Variants in FANCC observed in about 807,000 individuals in gnomAD.
The protein encoded by FANCC is Fanconi anemia group C protein.
Under a neutral mutation model 71.3 loss-of-function variants are expected in FANCC, and 55 were observed. The observed-to-expected ratio is 0.77, with a 90% CI of 0.62 to 0.97. The LOEUF is 0.97. Among genes scored for constraint, FANCC ranks in the 50% least tolerant of loss-of-function variants. The pLI is 0.00. For missense variants in FANCC, 678 were observed against 670.9 expected (o/e 1.01, Z -0.12); for synonymous variants, 275 against 244.9 (o/e 1.12, Z -1.15).
At chr9:95,251,383 T>C (rs1265794018) in intron 1 of FANCC, among the ~76,000 whole-genome samples, 1 of 152,178 alleles carries the variant, frequency 6.6e-6, no homozygotes, top group Non-Finnish European at 1.5e-5. Context: ...TGGTGCGATG[T>C]TGGTTCACTG....
chr9:95,290,165 A>G (rs1292998917), intron 1 of FANCC, among the ~76,000 whole-genome samples: 1 of 152,172 alleles, frequency 6.6e-6, no homozygotes, highest in East Asian at 1.9e-4. Context: ...TGGAAGGGTA[A>G]TTGACCAAAA....
At position 95,099,356 on chromosome 9, in the gene FANCC, G is replaced by A. The variant is rs776017300; in HGVS notation, c.*2351C>T. The A allele has an allele frequency of 1.3e-5, 3 of 227,820 alleles. No homozygotes were observed. Among genetic ancestry groups the A allele is most frequent in the Non-Finnish European group, 2.6e-5 (3 of 115,008 alleles). The allele number at this position is 227,820 out of a possible 1,614,324, so 14.1% of individuals were successfully genotyped here. A position where few individuals can be genotyped will look rare whatever the true frequency, so the allele number is the denominator to read the frequency against. Reference sequence around the variant, plus strand: ...CCAGTTCCTTCCAGGGTGGCTTCACGCCTTGCCATCCCTGCCTCCCTGCGG... The same window carrying A: ...CCAGTTCCTTCCAGGGTGGCTTCACACCTTGCCATCCCTGCCTCCCTGCGG... On this transcript the variant is annotated 3_prime_UTR_variant, in exon 15 of 15. Transcript: ENST00000289081.
intron 4 of FANCC, among the ~76,000 whole-genome samples, chr9:95,217,868 G>T (rs1203740933): frequency 6.6e-6 from 1 of 151,944 alleles, no homozygotes; most frequent in Non-Finnish European, 1.5e-5. Flanking sequence ...GTTCATGGGG[G>T]AGAAAAAAGG....
chr9:95,213,191 G>A (rs1182655092), intron 4 of FANCC, among the ~76,000 whole-genome samples: 2 of 152,048 alleles, frequency 1.3e-5, no homozygotes, highest in Admixed American at 1.3e-4. Flanking sequence ...TTGCTAATGG[G>A]AAATATGGGG....
intron 4 of FANCC, among the ~76,000 whole-genome samples, chr9:95,232,559 T>A (rs996703252): frequency 2.0e-5 from 3 of 152,228 alleles, no homozygotes; most frequent in Non-Finnish European, 2.9e-5. Flanking sequence ...TAAATAAGAT[T>A]TTTTTCTTGC....
chr9:95,148,256 G>A (rs1441316010), intron 7 of FANCC, among the ~76,000 whole-genome samples: 1 of 152,162 alleles, frequency 6.6e-6, no homozygotes, highest in African/African-American at 2.4e-5. Flanking sequence ...AAGCACTTCT[G>A]CTTCATAACA....
intron 4 of FANCC, among the ~76,000 whole-genome samples, chr9:95,200,445 T>C (rs1827736676): frequency 6.6e-6 from 1 of 152,240 alleles, no homozygotes; most frequent in African/African-American, 2.4e-5. Flanking sequence ...AACAATTTTA[T>C]GGCAGTTGTC....
Position 95,099,094 on chromosome 9 carries a change from A to G in FANCC, c.*2613T>C, listed in dbSNP as rs943566948. 5.1e-6 allele frequency: 1 copy of G among 196,646 alleles called. No individual in the cohort carries two copies. Among genetic ancestry groups the G allele is most frequent in the Non-Finnish European group, 1.1e-5 (1 of 94,838 alleles). The allele number at this position is 196,646 out of a possible 1,614,324, so 12.2% of individuals were successfully genotyped here. A position where few individuals can be genotyped will look rare whatever the true frequency, so the allele number is the denominator to read the frequency against. On this transcript the variant is annotated 3_prime_UTR_variant, in exon 15 of 15. Coordinates refer to ENST00000289081, the MANE Select transcript of FANCC (RefSeq NM_000136.3). ...AGTTTTATTTAGAATGAAAAAATAG[A>G]CAACAAATTACAGATTTTAAAGAGC...
chr9:95,198,866 T>G (rs1827624445), intron 4 of FANCC, among the ~76,000 whole-genome samples: 1 of 151,966 alleles, frequency 6.6e-6, no homozygotes. Context: ...GCCTCCCAAG[T>G]AGCTAGGACA....
In FANCC at chr9:95,100,477, TACAC is replaced by T. The variant is rs896246718; in HGVS notation, c.*1226_*1229del. On this transcript the variant is annotated 3_prime_UTR_variant, in exon 15 of 15. Transcript: ENST00000289081. ...AAAACGGAGCCAAGACTCAGACTAA[TACAC>T]ACAAATCAAAATGGACAAAAGCAAG... 1 of 231,648 alleles carries T rather than the reference TACAC, an allele frequency of 4.3e-6. No individual in the cohort carries two copies. The highest frequency in any genetic ancestry group is 8.5e-6 in the Non-Finnish European group (1 of 117,124). 14.3% of individuals were successfully genotyped at this position (231,648 alleles called of 1,614,324 possible).
chr9:95,231,512 G>T (rs1404673405), intron 4 of FANCC, among the ~76,000 whole-genome samples: 2 of 152,150 alleles, frequency 1.3e-5, no homozygotes, highest in South Asian at 2.1e-4. Context: ...AGGGACTCTG[G>T]TCTAGCGAGA....
At chr9:95,153,601 T>C (rs1029345838) in intron 6 of FANCC, among the ~76,000 whole-genome samples, 3 of 152,246 alleles carry the variant, frequency 2.0e-5, no homozygotes, top group African/African-American at 7.2e-5. Flanking sequence ...TTTTTTCATA[T>C]GCTTGGCCAT....
chr9:95,141,311 CAAAAAAAAAAA>C (rs66627467), intron 7 of FANCC, among the ~76,000 whole-genome samples: 2 of 54,862 alleles, frequency 3.6e-5, no homozygotes, highest in Admixed American at 3.2e-4. Context: ...GACCCTGTCT[CAAAAAAAAAAA>C]AAAAAAAAAA....
At position 95,125,103 on chromosome 9, in the gene FANCC, C is replaced by G; in HGVS notation, c.979G>C (p.Glu327Gln). ...VFTQCFVEAL[E>Q]KASKQLRFAL... ...TAACAAACCTGCTTGCTTGCTTTCT[C>G]CAGAGCTTCTACAAAGCACTGCGTA... The change falls in exon 10 of 15, where the codon GAG (glutamate) becomes CAG (glutamine). Residue 327 changes from glutamate (E) to glutamine (Q), a missense_variant. Physicochemically the swap from Glu to Gln is conservative, Grantham distance 29. Coordinates refer to ENST00000289081, the MANE Select transcript of FANCC (RefSeq NM_000136.3). 6.2e-7 allele frequency: 1 copy of G among 1,614,086 alleles called. No homozygotes were observed. The highest frequency in any genetic ancestry group is 8.5e-7 in the Non-Finnish European group (1 of 1,179,942).
intron 4 of FANCC, among the ~76,000 whole-genome samples, chr9:95,235,565 C>G (rs1183594476): frequency 6.6e-6 from 1 of 152,120 alleles, no homozygotes; most frequent in Non-Finnish European, 1.5e-5. Context: ...CACAAAGTGG[C>G]CAGGCACAGT....
chr9:95,238,567 CTTTTT>C (rs757266479), intron 4 of FANCC, among the ~76,000 whole-genome samples: 1 of 149,710 alleles, frequency 6.7e-6, no homozygotes, highest in African/African-American at 2.5e-5. Flanking sequence ...TTCCTTTTTT[CTTTTT>C]TTTTGTTTTT....
chr9:95,247,504 C>T lies in FANCC; in HGVS notation c.178G>A (p.Val60Ile), dbSNP rs138629441. ...CCAATTGTGGGGAATCTTTCAATGA[C>T]TGTATTAGAATCCTGTGAAAGAAAA... Reference protein sequence around the residue: ...EALKEMDSNTVIERFPTIGQL... With the variant: ...EALKEMDSNTIIERFPTIGQL... Residue 60 changes from valine (V) to isoleucine (I), a missense_variant, in exon 3 of 15, where the codon GTC becomes ATC. By Grantham distance (29) the Val-to-Ile change is conservative. Transcript: ENST00000289081. 1.5e-3 allele frequency: 2,442 copies of T among 1,612,712 alleles called. 2 individuals are homozygous for T. The highest frequency in any genetic ancestry group is 1.9e-3 in the Non-Finnish European group (2,246 of 1,179,040).
intron 4 of FANCC, among the ~76,000 whole-genome samples, chr9:95,228,872 G>A (rs1414549549): frequency 6.6e-6 from 1 of 152,176 alleles, no homozygotes; most frequent in Non-Finnish European, 1.5e-5. Flanking sequence ...TGAGAGAAGT[G>A]AGAATATGAG....
At chr9:95,124,524 A>G (rs1224894538) in intron 10 of FANCC, among the ~76,000 whole-genome samples, 1 of 152,114 alleles carries the variant, frequency 6.6e-6, no homozygotes, top group African/African-American at 2.4e-5. Context: ...ACTGTGTCTA[A>G]CACACACCTC....
Sources: gnomAD v4.1 joint callset for allele counts (sites outside exome capture counted in the v4.1 genomes callset) on GRCh38, gnomAD v4.1.1 for gene constraint, MANE v1.5 for transcripts, NCBI Gene and HGNC (gene_info 2026-07-23, HGNC 2026-07-21) for gene names.